RNF39: variants seen among roughly 807,000 people sequenced by gnomAD.
RNF39 encodes the protein LTP (long-term potentiation) induced RING finger protein.
RNF39 carries 25 observed loss-of-function variants against 29.2 expected under a neutral mutation model. The observed-to-expected ratio is 0.86, with a 90% CI of 0.62 to 1.20. The LOEUF (loss-of-function observed/expected upper bound fraction) is 1.20, where lower values mean the gene tolerates loss of function less well. RNF39 is among the 50% of genes most tolerant of loss of function. The pLI is 0.00. For synonymous variants in RNF39, 219 were observed against 229.0 expected (o/e 0.96, Z 0.40); for missense variants, 519 against 515.0 (o/e 1.01, Z -0.08).
chr6:30,075,698 C>T lies in RNF39; in HGVS notation c.-113G>A. 6.2e-7 allele frequency: 1 copy of T among 1,613,886 alleles called. No homozygotes were observed. The highest frequency in any genetic ancestry group is 8.5e-7 in the Non-Finnish European group (1 of 1,179,926). ...TGTGTAGATGCCCTTCTCTCCGACT[C>T]CCGCATTAACTTTTGCCGCTTTCCG... is the stretch of plus-strand genomic sequence containing the variant. On this transcript the variant is annotated 5_prime_UTR_variant, in exon 1 of 4. Coordinates refer to ENST00000244360, the MANE Select transcript of RNF39 (RefSeq NM_025236.4).
Position 30,075,245 on chromosome 6 carries a change from C to T in RNF39, c.341G>A (p.Gly114Asp). 2 of 1,597,894 alleles carry T rather than the reference C, an allele frequency of 1.3e-6. No homozygotes were observed. The highest frequency in any genetic ancestry group is 8.5e-7 in the Non-Finnish European group (1 of 1,176,930). ...CACCTCTCCGGGCAGGTCCAGGCAGCCCATGGTGGGGATGCGCCCCCCTCG... is the reference window on the plus strand; with the variant it reads ...CACCTCTCCGGGCAGGTCCAGGCAGTCCATGGTGGGGATGCGCCCCCCTCG... Reference protein sequence around the residue: ...RRRGGRIPTMGCLDLPGEDMR... With the variant: ...RRRGGRIPTMDCLDLPGEDMR... Residue 114 changes from glycine (G) to aspartate (D), a missense_variant, in exon 1 of 4, where the codon GGC becomes GAC. Transcript: ENST00000244360.
At position 30,071,414 on chromosome 6, in the gene RNF39, C is replaced by T. The variant is rs1223726980; in HGVS notation, c.756G>A (p.Val252=). 2.7e-6 allele frequency: 4 copies of T among 1,497,798 alleles called. No individual in the cohort carries two copies. In the South Asian group the frequency reaches 4.0e-5, roughly 15 times the overall value. 92.8% of individuals were successfully genotyped at this position (1,497,798 alleles called of 1,614,324 possible). Reference sequence around the variant, plus strand: ...ACAGCCTTACGCAGCCCTTGCGTTGCACTGATTCCCCGGCCGCGCCCACTG... The same window carrying T: ...ACAGCCTTACGCAGCCCTTGCGTTGTACTGATTCCCCGGCCGCGCCCACTG... ...HYAVGAAGES[V]QRKGCVRLCP... is the part of the protein sequence containing the mutation. The change falls in exon 4 of 4, where the codon GTG becomes GTA. Residue 252 remains valine, a synonymous_variant. Coordinates refer to ENST00000244360, the MANE Select transcript of RNF39 (RefSeq NM_025236.4). This position sits in a 1 kb window ranked among gnomAD's most constrained non-coding sequence, Gnocchi z 5.0.
rs1169664996 is a variant in RNF39, at chr6:30,071,383, C to A, written c.787G>T (p.Ala263Ser). The A allele has an allele frequency of 1.4e-6, 2 of 1,471,904 alleles. No individual in the cohort carries two copies. The highest frequency in any genetic ancestry group is 1.5e-5 in the African/African-American group (1 of 68,322). The allele number at this position is 1,471,904 out of a possible 1,614,324, so 91.2% of individuals were successfully genotyped here. The change falls in exon 4 of 4, where the codon GCG becomes TCG. Residue 263 changes from alanine to serine, a missense_variant. Ala to Ser is a moderately conservative substitution (Grantham distance 99). Transcript: ENST00000244360. This position sits in a 1 kb window ranked among gnomAD's most constrained non-coding sequence, Gnocchi z 5.0. ...QRKGCVRLCP[A>S]GAVWAVEGRG... is the part of the protein sequence containing the mutation. ...CCCTCCACGGCCCACACGGCCCCCG[C>A]AGGGCACAGCCTTACGCAGCCCTTG...
Position 30,074,190 on chromosome 6 carries a change from A to G in RNF39, c.364-712T>C, listed in dbSNP as rs1399715390. On this transcript the variant is annotated intron_variant, in intron 1 of 3. Coordinates refer to ENST00000244360, the MANE Select transcript of RNF39 (RefSeq NM_025236.4). This position sits in a 1 kb window ranked among gnomAD's most constrained non-coding sequence, Gnocchi z 4.1. Reference sequence around the variant, plus strand: ...TACCGACCCCTCCACTTCACTGTCTAGTGCTGATGGCTGGAGCAGGCCGAT... The same window carrying G: ...TACCGACCCCTCCACTTCACTGTCTGGTGCTGATGGCTGGAGCAGGCCGAT... Among the ~76,000 whole-genome samples the G allele has an allele frequency of 6.6e-6, 1 of 152,192 alleles. No individual in the cohort carries two copies. The highest frequency in any genetic ancestry group is 1.5e-5 in the Non-Finnish European group (1 of 68,026).
chr6:30,075,330 G>T lies in RNF39; in HGVS notation c.256C>A (p.Arg86=), dbSNP rs538878624. ...TTCTCTCGCAGCTCGCGGCTGATTC[G>T]CACCTCCACCGCCAGCCGCACATTA... ...RSNVRLAVEV[R]ISRELREKLA... Residue 86 remains arginine (R), a synonymous_variant, in exon 1 of 4, where the codon CGA becomes AGA. Transcript: ENST00000244360. 3.1e-6 allele frequency: 5 copies of T among 1,591,670 alleles called. No individual in the cohort carries two copies. In the East Asian group the frequency reaches 9.1e-5, roughly 29 times the overall value.
rs1766278345 is a variant in RNF39 at position 30,074,807 on chromosome 6, T to A, written c.363+416A>T. ...CACCCTCAGCTGGGTCGGCTCTCCC[T>A]TCCGCCCGCCGCTCCCTCCCCTCCG... On this transcript the variant is annotated intron_variant, in intron 1 of 3. Transcript: ENST00000244360. This position sits in a 1 kb window ranked among gnomAD's most constrained non-coding sequence, Gnocchi z 4.1. 6.6e-6 allele frequency among the ~76,000 whole-genome samples: 1 copy of A among 151,726 alleles called. No individual in the cohort carries two copies. Among genetic ancestry groups the A allele is most frequent in the Non-Finnish European group, 1.5e-5 (1 of 67,890 alleles).
rs1222432784 is a variant in RNF39 at position 30,071,635 on chromosome 6, G to C, written c.535C>G (p.Arg179Gly). 3 of 1,435,334 alleles carry C rather than the reference G, an allele frequency of 2.1e-6. No individual in the cohort carries two copies. The highest frequency in any genetic ancestry group is 5.6e-5 in the Admixed American group (2 of 35,674). The allele number at this position is 1,435,334 out of a possible 1,614,324, so 88.9% of individuals were successfully genotyped here. A position where few individuals can be genotyped will look rare whatever the true frequency, so the allele number is the denominator to read the frequency against. The part of the protein sequence containing the change: ...AHRRLLISAD[R>G]RSVQLAPPGT... ...GGTGGGGCCAGTTGTACGCTGCGGC[G>C]GTCGGCGGAGATGAGCAGGCGGCGG... Residue 179 changes from arginine to glycine, a missense_variant, in exon 4 of 4, where the codon CGC becomes GGC. Physicochemically the swap from Arg to Gly is moderately radical, Grantham distance 125. Transcript: ENST00000244360. The surrounding 1 kb of genome is among the most constrained non-coding windows in gnomAD (Gnocchi z 5.0).
chr6:30,074,569 C>G lies in RNF39; in HGVS notation c.363+654G>C, dbSNP rs1439592256. On this transcript the variant is annotated intron_variant, in intron 1 of 3. Transcript: ENST00000244360. This position sits in a 1 kb window ranked among gnomAD's most constrained non-coding sequence, Gnocchi z 4.1. ...GCCGAAATAACAATAACAAACAACA[C>G]AGGGCTTAGCTTGAGCCAGAGTCCG... Among the ~76,000 whole-genome samples the G allele has an allele frequency of 2.6e-5, 4 of 152,124 alleles. No individual in the cohort carries two copies. Among genetic ancestry groups the G allele is most frequent in the African/African-American group, 9.7e-5 (4 of 41,422 alleles).
chr6:30,073,206 A>C lies in RNF39; in HGVS notation c.429T>G (p.Asp143Glu). The change falls in exon 3 of 4, where the codon GAT becomes GAG. Residue 143 changes from aspartate (D) to glutamate (E), a missense_variant. Physicochemically the swap from Asp to Glu is conservative, Grantham distance 45 (BLOSUM62 2). Transcript: ENST00000244360. ...PTSKSSNSEDDLPEDYPVVKK... is the reference protein window; with the variant it reads ...PTSKSSNSEDELPEDYPVVKK... ...TGACCACTGGATAATCTTCAGGGAG[A>C]TCATCCTCTGAATTAGATGACTTGG... 1 of 1,612,860 alleles carries C rather than the reference A, an allele frequency of 6.2e-7. No homozygotes were observed.
intron 1 of RNF39, 70 bp downstream of exon 1, chr6:30,075,153 G>A (rs1207813556): frequency 1.4e-6 from 2 of 1,445,968 alleles, no homozygotes; most frequent in Admixed American, 2.4e-5. Context: ...GGCTCCAGAC[G>A]TGCCATTCCC....
At chr6:30,073,775 C>T (rs115145620) in intron 1 of RNF39, among the ~76,000 whole-genome samples, 14 of 152,198 alleles carry the variant, frequency 9.2e-5, no homozygotes, top group African/African-American at 2.4e-4. Context: ...TTTTCCCAGG[C>T]TCGTCCGTGA....
In RNF39 at chr6:30,072,068, G is replaced by A. The variant is rs9261297; in HGVS notation, c.479-377C>T. On this transcript the variant is annotated intron_variant, in intron 3 of 3. Coordinates refer to ENST00000244360, the MANE Select transcript of RNF39 (RefSeq NM_025236.4). This position sits in a 1 kb window ranked among gnomAD's most constrained non-coding sequence, Gnocchi z 4.5. ...GATACCTCAATCTGCATCATCTGGG[G>A]TGGGGCATGGGAGCTGGGTCAGCAA... 0.17 allele frequency among the ~76,000 whole-genome samples: 25,811 copies of A among 151,886 alleles called. 2,710 individuals are homozygous for A. Among genetic ancestry groups the A allele is most frequent in the African/African-American group, 0.27 (11,319 of 41,330 alleles).
In RNF39 at chr6:30,074,872, A is replaced by C. The variant is rs1251895451; in HGVS notation, c.363+351T>G. On this transcript the variant is annotated intron_variant, in intron 1 of 3. Coordinates refer to ENST00000244360, the MANE Select transcript of RNF39 (RefSeq NM_025236.4). This position sits in a 1 kb window ranked among gnomAD's most constrained non-coding sequence, Gnocchi z 4.1. ...CCCGGGCGCCTGCGGCTGCCCTGCC[A>C]AAACTTCTGCAGTTCCCATGCCCTT... 6.6e-6 allele frequency among the ~76,000 whole-genome samples: 1 copy of C among 151,592 alleles called. No homozygotes were observed. The highest frequency in any genetic ancestry group is 2.4e-5 in the African/African-American group (1 of 41,214).
In RNF39 at chr6:30,073,487, G is replaced by A; in HGVS notation, c.364-9C>T. The A allele has an allele frequency of 6.2e-7, 1 of 1,613,734 alleles. No homozygotes were observed. Among genetic ancestry groups the A allele is most frequent in the Admixed American group, 1.7e-5 (1 of 59,972 alleles). On this transcript the variant is annotated splice_polypyrimidine_tract_variant and intron_variant, in intron 1 of 3. Coordinates refer to ENST00000244360, the MANE Select transcript of RNF39 (RefSeq NM_025236.4). ...CATGTCTTCCTCATATCCTAGGATG[G>A]GCAGAAACAAACATGGATGTGAGCT...
Position 30,071,711 on chromosome 6 carries a change from G to A in RNF39, c.479-20C>T. The A allele has an allele frequency of 7.2e-7, 1 of 1,396,840 alleles. No individual in the cohort carries two copies. Among genetic ancestry groups the A allele is most frequent in the Non-Finnish European group, 9.3e-7 (1 of 1,080,530 alleles). The allele number at this position is 1,396,840 out of a possible 1,614,324, so 86.5% of individuals were successfully genotyped here. Reference sequence around the variant, plus strand: ...GGTCGGCTGGAGACGGGGAGGCAGGGAGAGGACCTCATGAGAGAGTTTTCT... The same window carrying A: ...GGTCGGCTGGAGACGGGGAGGCAGGAAGAGGACCTCATGAGAGAGTTTTCT... On this transcript the variant is annotated intron_variant, in intron 3 of 3. Transcript: ENST00000244360. This position sits in a 1 kb window ranked among gnomAD's most constrained non-coding sequence, Gnocchi z 5.0.
chr6:30,075,549 G>T lies in RNF39; in HGVS notation c.37C>A (p.Arg13Ser). 1.3e-6 allele frequency: 2 copies of T among 1,599,162 alleles called. No homozygotes were observed. Among genetic ancestry groups the T allele is most frequent in the Non-Finnish European group, 8.5e-7 (1 of 1,175,264 alleles). Residue 13 changes from arginine to serine, a missense_variant, in exon 1 of 4, where the codon CGT (arginine) becomes AGT (serine). Physicochemically the swap from Arg to Ser is moderately radical, Grantham distance 110. Transcript: ENST00000244360. ...APELGPGLVE[R>S]LEQLATCPLC... is the part of the protein sequence containing the mutation. ...GGACACGTCGCCAGCTGCTCCAGAC[G>T]CTCCACCAGCCCCGGGCCCAGCTCG...
chr6:30,075,484 C>A lies in RNF39; in HGVS notation c.102G>T (p.Ala34=). ...ACGCGCGGCAGAAGCTGTGCTCGCACGCCAGAAGCACCGGGTCCTCGAAGG... is the reference window on the plus strand; with the variant it reads ...ACGCGCGGCAGAAGCTGTGCTCGCAAGCCAGAAGCACCGGGTCCTCGAAGG... ...GGSFEDPVLL[A]CEHSFCRACL... The change falls in exon 1 of 4, where the codon GCG becomes GCT. Residue 34 remains alanine (A), a synonymous_variant. Transcript: ENST00000244360. 1.3e-6 allele frequency: 2 copies of A among 1,554,810 alleles called. No homozygotes were observed. The highest frequency in any genetic ancestry group is 1.7e-6 in the Non-Finnish European group (2 of 1,151,952).
chr6:30,075,403 G>T lies in RNF39; in HGVS notation c.183C>A (p.Thr61=). Residue 61 remains threonine, a synonymous_variant, in exon 1 of 4, where the codon ACC becomes ACA. Coordinates refer to ENST00000244360, the MANE Select transcript of RNF39 (RefSeq NM_025236.4). ...PPATGTEASP[T]ACPCCGLPCP... is the part of the protein sequence containing the mutation. ...ACGGCAGGCCGCAGCAGGGACAGGC[G>T]GTGGGGGAAGCCTCGGTGCCGGTCG... 1.3e-6 allele frequency: 2 copies of T among 1,561,052 alleles called. No individual in the cohort carries two copies. Among genetic ancestry groups the T allele is most frequent in the Non-Finnish European group, 1.7e-6 (2 of 1,156,714 alleles).
Position 30,074,449 on chromosome 6 carries a change from A to G in RNF39, c.363+774T>C, listed in dbSNP as rs1307634638. Among the ~76,000 whole-genome samples, 3 of 151,974 alleles carry G rather than the reference A, an allele frequency of 2.0e-5. No individual in the cohort carries two copies. The highest frequency in any genetic ancestry group is 2.0e-4 in the Admixed American group (3 of 15,278). On this transcript the variant is annotated intron_variant, in intron 1 of 3. Transcript: ENST00000244360. This position sits in a 1 kb window ranked among gnomAD's most constrained non-coding sequence, Gnocchi z 4.1. ...AGGCGCGGGGGGTAGATGGGTGGTA[A>G]GACTGGGATGTGGAGAGGAGCCAGA... is the stretch of plus-strand genomic sequence containing the variant.
Sources: gnomAD v4.1 joint callset for allele counts (sites outside exome capture counted in the v4.1 genomes callset) on GRCh38, gnomAD v4.1.1 for gene constraint, Gnocchi (gnomAD v3.1) non-coding constraint, MANE v1.5 for transcripts, NCBI Gene and HGNC (gene_info 2026-07-23, HGNC 2026-07-21) for gene names.